The following PAK2 variants were observed in gnomAD, a reference collection of about 807,000 sequenced individuals.
PAK2 encodes p21 (RAC1) activated kinase 2.
PAK2 carries 21 observed loss-of-function variants against 65.9 expected under a neutral mutation model. That is an observed-to-expected ratio of 0.32 (90% CI 0.23 to 0.46). The LOEUF is 0.46. Ranked by LOEUF, PAK2 falls within the 20% of genes least tolerant of loss-of-function variation. The pLI is 1.00. For synonymous variants in PAK2, 204 were observed against 219.7 expected, an observed-to-expected ratio of 0.93 and a Z score of 0.63; for missense variants, 324 against 642.6, an observed-to-expected ratio of 0.50 and a Z score of 5.36.
chr3:196,745,829 A>AAAAG (rs1553798791), intron 1 of PAK2, among the ~76,000 whole-genome samples: 34 of 151,690 alleles, frequency 2.2e-4, no homozygotes, highest in African/African-American at 6.3e-4. Context: ...AAAAAAAAAA[A>AAAAG]AAGAAGAAGT....
At chr3:196,807,518 G>C (rs1715625878) in intron 6 of PAK2, among the ~76,000 whole-genome samples, 1 of 151,968 alleles carries the variant, frequency 6.6e-6, no homozygotes, top group African/African-American at 2.4e-5. Flanking sequence ...TTTTAGACCT[G>C]GTCACACTTA....
At position 196,786,287 on chromosome 3, in the gene PAK2, C is replaced by T. The variant is rs913043650; in HGVS notation, c.187+3454C>T. On this transcript the variant is annotated intron_variant, in intron 2 of 14. Coordinates refer to ENST00000327134, the MANE Select transcript of PAK2 (RefSeq NM_002577.4). ...AATCAATTCTCCTGCCTCAGCCTCC[C>T]GAGTAGCTGGGATTACAGGCGCCTG... Among the ~76,000 whole-genome samples, 9 of 151,948 alleles carry T rather than the reference C, an allele frequency of 5.9e-5. No individual in the cohort carries two copies. The South Asian group carries it at 1.5e-3, about 25-fold the overall frequency.
At chr3:196,793,666 C>T (rs1043126980) in intron 2 of PAK2, among the ~76,000 whole-genome samples, 9 of 152,140 alleles carry the variant, frequency 5.9e-5, no homozygotes, top group Non-Finnish European at 1.0e-4. Flanking sequence ...TGCATACACA[C>T]ATACTGTATA....
intron 1 of PAK2, among the ~76,000 whole-genome samples, chr3:196,775,396 T>A (rs907082337): frequency 9.8e-5 from 15 of 152,288 alleles, no homozygotes; most frequent in Admixed American, 2.6e-4. Flanking sequence ...TTATTTATTT[T>A]TTTTGAGACG....
intron 1 of PAK2, among the ~76,000 whole-genome samples, chr3:196,761,730 C>T (rs1169195067): frequency 3.5e-5 from 5 of 144,484 alleles, no homozygotes; most frequent in Non-Finnish European, 6.1e-5. Context: ...CCAGTAGGGG[C>T]GGCCGGGCAG....
At chr3:196,828,222 C>T (rs893789798) in intron 14 of PAK2, 97 bp from the exon 15 acceptor site, 14 of 703,818 alleles carry the variant, frequency 2.0e-5, no homozygotes, top group African/African-American at 3.6e-5. Flanking sequence ...AAATTATGAT[C>T]GACAAGTAGT....
intron 1 of PAK2, among the ~76,000 whole-genome samples, chr3:196,779,454 G>A (rs1437216163): frequency 6.6e-6 from 1 of 152,120 alleles, no homozygotes; most frequent in Non-Finnish European, 1.5e-5. Flanking sequence ...ATGAGACGTG[G>A]TGAAGTGTAA....
At chr3:196,767,820 C>T (rs1244526238) in intron 1 of PAK2, among the ~76,000 whole-genome samples, 1 of 151,170 alleles carries the variant, frequency 6.6e-6, no homozygotes, top group Admixed American at 6.6e-5. Flanking sequence ...TTTGTAAATA[C>T]TTGATCACAA....
chr3:196,822,117 A>G (rs1378777114), intron 13 of PAK2, among the ~76,000 whole-genome samples: 2 of 152,166 alleles, frequency 1.3e-5, no homozygotes, highest in Non-Finnish European at 2.9e-5. Flanking sequence ...AAGTACTTCT[A>G]TAGAGGTGAT....
At chr3:196,815,132 A>G (rs939395882) in intron 11 of PAK2, among the ~76,000 whole-genome samples, 2 of 151,376 alleles carry the variant, frequency 1.3e-5, no homozygotes, top group African/African-American at 4.9e-5. Context: ...GTGAGCCGAG[A>G]TCACACCACT....
intron 2 of PAK2, among the ~76,000 whole-genome samples, chr3:196,788,598 A>T (rs1011061335): frequency 3.9e-5 from 6 of 152,204 alleles, no homozygotes; most frequent in Non-Finnish European, 8.8e-5. Context: ...TGCTCCCACG[A>T]CAGCAATCTC....
intron 13 of PAK2, among the ~76,000 whole-genome samples, chr3:196,822,288 G>A (rs1711681101): frequency 6.6e-6 from 1 of 152,154 alleles, no homozygotes; most frequent in African/African-American, 2.4e-5. Flanking sequence ...GTCTTCTAGT[G>A]GGAAAAGAGA....
At position 196,791,250 on chromosome 3, in the gene PAK2, A is replaced by G. The variant is rs893895383; in HGVS notation, c.187+8417A>G. ...CTTTTTGTTTTAGACACTGTTTCTA[A>G]TATCCTTTCCTTTTCCCATTGAGAC... On this transcript the variant is annotated intron_variant, in intron 2 of 14. Transcript: ENST00000327134. This position sits in a 1 kb window ranked among gnomAD's most constrained non-coding sequence, Gnocchi z 4.0. Among the ~76,000 whole-genome samples the G allele has an allele frequency of 2.6e-5, 4 of 152,150 alleles. No homozygotes were observed. Among genetic ancestry groups the G allele is most frequent in the African/African-American group, 9.7e-5 (4 of 41,438 alleles).
At chr3:196,775,433 A>G (rs1373342558) in intron 1 of PAK2, among the ~76,000 whole-genome samples, 1 of 152,068 alleles carries the variant, frequency 6.6e-6, no homozygotes, top group African/African-American at 2.4e-5. Context: ...CCCAGGCTGG[A>G]GTGCAGTGGT....
intron 1 of PAK2, among the ~76,000 whole-genome samples, chr3:196,746,286 C>G (rs1035052995): frequency 6.6e-6 from 1 of 152,072 alleles, no homozygotes; most frequent in African/African-American, 2.4e-5. Context: ...TATTCTGTTT[C>G]TGCTTTACAA....
chr3:196,812,599 T>C, intron 9 of PAK2, 140 bp from the exon 10 acceptor site: 1 of 599,182 alleles, frequency 1.7e-6, no homozygotes, highest in South Asian at 2.1e-5. Flanking sequence ...GCACAGGCAG[T>C]GTGCAAGGCA....
chr3:196,808,300 C>T (rs1326889846), intron 7 of PAK2, among the ~76,000 whole-genome samples: 1 of 151,518 alleles, frequency 6.6e-6, no homozygotes, highest in Non-Finnish European at 1.5e-5. Flanking sequence ...CGGTGGCTCA[C>T]GCCTGTAATC....
intron 2 of PAK2, chr3:196,784,910 A>G (rs568032721): frequency 6.6e-6 from 1 of 152,026 alleles, no homozygotes; most frequent in East Asian, 1.9e-4. Context: ...CTTTTTAATG[A>G]TTGCCATTCT....
chr3:196,816,204 A>G lies in PAK2; in HGVS notation c.1053+1636A>G, dbSNP rs78070002. Among the ~76,000 whole-genome samples, 75 of 152,312 alleles carry G rather than the reference A, an allele frequency of 4.9e-4. 1 individual carries two copies. In the East Asian group the frequency reaches 0.014, roughly 29 times the overall value. On this transcript the variant is annotated intron_variant, in intron 11 of 14. Coordinates refer to ENST00000327134, the MANE Select transcript of PAK2 (RefSeq NM_002577.4). ...TCAGCAGTTCTTCAGTGACATGTGA[A>G]TTACAAACTTTGTTCATGTAAGGAT... is the stretch of plus-strand genomic sequence containing the variant.
Sources: gnomAD v4.1 joint callset for allele counts (sites outside exome capture counted in the v4.1 genomes callset) on GRCh38, gnomAD v4.1.1 for gene constraint, Gnocchi (gnomAD v3.1) non-coding constraint, MANE v1.5 for transcripts, NCBI Gene and HGNC (gene_info 2026-07-23, HGNC 2026-07-21) for gene names.